Variants in PCDHGA5 observed in about 807,000 individuals in gnomAD.
PCDHGA5 encodes protocadherin gamma-A5.
Under a neutral mutation model 56.7 loss-of-function variants are expected in PCDHGA5, and 36 were observed. The ratio of observed to expected loss-of-function variants is 0.64; its 90% CI spans 0.49 to 0.84. PCDHGA5 has a LOEUF of 0.84. Ranked by LOEUF, PCDHGA5 falls within the 40% of genes least tolerant of loss-of-function variation. The pLI is 0.00. For missense variants in PCDHGA5, 1,305 were observed against 1,201.5 expected (o/e 1.09, Z -1.27); for synonymous variants, 563 against 520.2 (o/e 1.08, Z -1.12).
chr5:141,390,103 A>G (rs757288667), intron 1 of PCDHGA5: 2 of 1,613,996 alleles, frequency 1.2e-6, no homozygotes, highest in South Asian at 1.1e-5. Flanking sequence ...GTTCCCCCCA[A>G]CTACAGCGAG....
intron 1 of PCDHGA5, chr5:141,383,002 G>C (rs376825891): frequency 1.2e-6 from 2 of 1,613,768 alleles, no homozygotes; most frequent in African/African-American, 1.3e-5. Context: ...TCTCTACTCC[G>C]TGTCGGAGGA....
chr5:141,370,167 G>A, intron 1 of PCDHGA5: 3 of 459,112 alleles, frequency 6.5e-6, no homozygotes, highest in Non-Finnish European at 1.1e-5. Context: ...TGCAGCAGAG[G>A]CGCCGGGTGC....
chr5:141,409,912 C>A (rs775668669), intron 1 of PCDHGA5: 2 of 1,613,180 alleles, frequency 1.2e-6, no homozygotes, highest in African/African-American at 2.7e-5. Flanking sequence ...TGGGTCCTGA[C>A]GGCTCCGCGT....
In PCDHGA5 at chr5:141,431,538, A is replaced by G; in HGVS notation, c.2422-63269A>G. ...CCGGAGAATCTGGCCTTGGGCACGC[A>G]GCTGCTTGTAGTCAACGCTACCGAC... is the stretch of plus-strand genomic sequence containing the variant. On this transcript the variant is annotated intron_variant, in intron 1 of 3. Transcript: ENST00000518069. The surrounding 1 kb of genome is among the most constrained non-coding windows in gnomAD (Gnocchi z 4.8). The G allele has an allele frequency of 6.2e-7, 1 of 1,614,114 alleles. No individual in the cohort carries two copies. Among genetic ancestry groups the G allele is most frequent in the Non-Finnish European group, 8.5e-7 (1 of 1,180,024 alleles).
intron 1 of PCDHGA5, chr5:141,400,330 G>A (rs2094004189): frequency 6.2e-7 from 1 of 1,614,082 alleles, no homozygotes; most frequent in Admixed American, 1.7e-5. Flanking sequence ...TGGACCTGTG[G>A]TTCCCCCCAA....
intron 1 of PCDHGA5, among the ~76,000 whole-genome samples, chr5:141,449,868 T>C (rs902371897): frequency 1.3e-5 from 2 of 151,910 alleles, no homozygotes; most frequent in African/African-American, 4.8e-5. Flanking sequence ...AATCAGAAAA[T>C]TTAACATCAA....
intron 1 of PCDHGA5, chr5:141,414,483 A>T (rs756254490): frequency 5.6e-6 from 9 of 1,613,826 alleles, no homozygotes; most frequent in Non-Finnish European, 6.8e-6. Flanking sequence ...GTCCTCCTCT[A>T]TCAACGGAAG....
chr5:141,477,737 G>T lies in PCDHGA5; in HGVS notation c.2422-17070G>T, dbSNP rs1178108717. 1.2e-6 allele frequency: 2 copies of T among 1,613,846 alleles called. No homozygotes were observed. Among genetic ancestry groups the T allele is most frequent in the South Asian group, 1.1e-5 (1 of 91,088 alleles). ...ATTTGAATTAACAGCTCATATCAGC[G>T]ATGGGGGCACCCCGGTCCTAGCCAC... On this transcript the variant is annotated intron_variant, in intron 1 of 3. Coordinates refer to ENST00000518069, the MANE Select transcript of PCDHGA5 (RefSeq NM_018918.3). This position sits in a 1 kb window ranked among gnomAD's most constrained non-coding sequence, Gnocchi z 4.9.
intron 1 of PCDHGA5, chr5:141,370,669 G>C (rs370792537): frequency 6.2e-7 from 1 of 1,613,908 alleles, no homozygotes; most frequent in Admixed American, 1.7e-5. Context: ...CGTATAGACC[G>C]AGAGGAGATT....
intron 1 of PCDHGA5, among the ~76,000 whole-genome samples, chr5:141,484,202 T>C (rs2099593138): frequency 6.6e-6 from 1 of 152,214 alleles, no homozygotes; most frequent in Non-Finnish European, 1.5e-5. Context: ...ATTAAATCTA[T>C]GAACATTAGC....
At position 141,431,034 on chromosome 5, in the gene PCDHGA5, G is replaced by C. The variant is rs372312860; in HGVS notation, c.2422-63773G>C. 2.5e-6 allele frequency: 4 copies of C among 1,613,992 alleles called. No homozygotes were observed. The highest frequency in any genetic ancestry group is 2.7e-5 in the African/African-American group (2 of 74,938). On this transcript the variant is annotated intron_variant, in intron 1 of 3. Coordinates refer to ENST00000518069, the MANE Select transcript of PCDHGA5 (RefSeq NM_018918.3). The surrounding 1 kb of genome is among the most constrained non-coding windows in gnomAD (Gnocchi z 4.8). ...TTGGTCACGGCGGGCAGGATAGACC[G>C]GGAGGAGCTCTGTATGGGGGCCATC...
Position 141,432,211 on chromosome 5 carries a change from C to T in PCDHGA5, c.2422-62596C>T. 6.2e-7 allele frequency: 1 copy of T among 1,614,232 alleles called. No homozygotes were observed. The highest frequency in any genetic ancestry group is 8.5e-7 in the Non-Finnish European group (1 of 1,180,044). On this transcript the variant is annotated intron_variant, in intron 1 of 3. Coordinates refer to ENST00000518069, the MANE Select transcript of PCDHGA5 (RefSeq NM_018918.3). The surrounding 1 kb of genome is among the most constrained non-coding windows in gnomAD (Gnocchi z 6.0). ...CCCACGACCCCGACTGTGAAGAGAA[C>T]GCCCAGATCACTTATTCCCTGGCTG... is the stretch of plus-strand genomic sequence containing the variant.
In PCDHGA5 at chr5:141,366,241, G is replaced by T. The variant is rs762618712; in HGVS notation, c.1911G>T (p.Ala637=). The change falls in exon 1 of 4, where the codon GCG becomes GCT. Residue 637 remains alanine (A), a synonymous_variant. Transcript: ENST00000518069. The part of the protein sequence containing the change: ...RTARALLDRD[A]LKQSLVVAVE... ...CGCGAGCCCTGCTGGACAGAGACGC[G>T]CTCAAGCAGAGCCTCGTGGTGGCCG... The T allele has an allele frequency of 4.3e-6, 7 of 1,613,748 alleles. No individual in the cohort carries two copies. The South Asian group carries it at 5.5e-5, about 13-fold the overall frequency.
intron 1 of PCDHGA5, chr5:141,389,244 T>C: frequency 6.2e-7 from 1 of 1,614,036 alleles, no homozygotes; most frequent in Non-Finnish European, 8.5e-7. Context: ...CTCACAGTCT[T>C]CCTATATAGT....
rs536236780 is a variant in PCDHGA5 at position 141,364,733 on chromosome 5, G to A, written c.403G>A (p.Asp135Asn). 3.3e-5 allele frequency: 54 copies of A among 1,613,954 alleles called. No homozygotes were observed. The highest frequency in any genetic ancestry group is 2.2e-4 in the East Asian group (10 of 44,886). The part of the protein sequence containing the change: ...DINDNFPRFR[D>N]EELKVKVNEN... Reference sequence around the variant, plus strand: ...TAATGATAACTTCCCGCGTTTCCGGGATGAAGAGTTAAAAGTAAAAGTTAA... The same window carrying A: ...TAATGATAACTTCCCGCGTTTCCGGAATGAAGAGTTAAAAGTAAAAGTTAA... Residue 135 changes from aspartate (D) to asparagine (N), a missense_variant, in exon 1 of 4, where the codon GAT (aspartate) becomes AAT (asparagine). Physicochemically the swap from Asp to Asn is conservative, Grantham distance 23. Transcript: ENST00000518069.
At position 141,420,340 on chromosome 5, in the gene PCDHGA5, G is replaced by A. The variant is rs1405507680; in HGVS notation, c.2421+53589G>A. ...ATATGCCAATATATTCCAATATAGT[G>A]GTATTATTTTAAGATTCTAGATAAC... On this transcript the variant is annotated intron_variant, in intron 1 of 3. Transcript: ENST00000518069. The A allele has an allele frequency of 2.9e-6, 4 of 1,387,388 alleles. No homozygotes were observed. In the African/African-American group the frequency reaches 4.4e-5, roughly 15 times the overall value. 85.9% of individuals were successfully genotyped at this position (1,387,388 alleles called of 1,614,324 possible). A position where few individuals can be genotyped will look rare whatever the true frequency, so the allele number is the denominator to read the frequency against.
intron 1 of PCDHGA5, chr5:141,388,296 T>G: frequency 1.2e-6 from 2 of 1,613,704 alleles, no homozygotes; most frequent in Non-Finnish European, 1.7e-6. Flanking sequence ...GCAAAATTCC[T>G]TTGAGCTGCA....
chr5:141,374,301 A>T, intron 1 of PCDHGA5: 1 of 1,613,996 alleles, frequency 6.2e-7, no homozygotes, highest in Non-Finnish European at 8.5e-7. Flanking sequence ...GGTAGGATGC[A>T]GCTTTTCTCT....
chr5:141,421,163 G>C, intron 1 of PCDHGA5: 2 of 1,276,926 alleles, frequency 1.6e-6, no homozygotes, highest in Non-Finnish European at 2.1e-6. Flanking sequence ...GGACTTCATA[G>C]ATACATAAGC....
Sources: allele counts gnomAD v4.1 joint callset (sites outside exome capture counted in the v4.1 genomes callset), GRCh38; gene constraint gnomAD v4.1.1; non-coding constraint Gnocchi (gnomAD v3.1); transcripts MANE v1.5; gene names NCBI Gene and HGNC (gene_info 2026-07-23, HGNC 2026-07-21).